Variants in ZEB1 observed in about 807,000 individuals in gnomAD.
The protein encoded by ZEB1 is zinc finger E-box-binding homeobox 1.
ZEB1 carries 21 observed loss-of-function variants against 84.9 expected under a neutral mutation model. The observed-to-expected ratio is 0.25, with a 90% CI of 0.18 to 0.36. The LOEUF is 0.36. Ranked by LOEUF, ZEB1 falls within the 10% of genes least tolerant of loss-of-function variation. The pLI is 1.00. For missense variants in ZEB1, 1,104 were observed against 1,330.2 expected (o/e 0.83, Z 2.65); for synonymous variants, 420 against 471.1 (o/e 0.89, Z 1.41).
At chr10:31,508,504 A>G (rs1299639726) in intron 4 of ZEB1, among the ~76,000 whole-genome samples, 1 of 152,226 alleles carries the variant, frequency 6.6e-6, no homozygotes, top group South Asian at 2.1e-4. Context: ...TGATAGTAGC[A>G]GGTTGGGTGG....
intron 1 of ZEB1, among the ~76,000 whole-genome samples, chr10:31,380,347 T>G (rs1401622370): frequency 6.6e-6 from 1 of 152,190 alleles, no homozygotes; most frequent in Non-Finnish European, 1.5e-5. Context: ...AGTTTCAGGT[T>G]CAGCTTTGGT....
chr10:31,461,003 G>C (rs780385908), intron 1 of ZEB1, 34 bp from the exon 2 acceptor site: 3 of 1,539,000 alleles, frequency 1.9e-6, no homozygotes, highest in Non-Finnish European at 2.7e-6. Context: ...TTTACTAGTT[G>C]GTTTTGATTA....
chr10:31,463,223 A>G (rs757373531), intron 2 of ZEB1, among the ~76,000 whole-genome samples: 2 of 152,160 alleles, frequency 1.3e-5, no homozygotes, highest in African/African-American at 2.4e-5. Flanking sequence ...GAAGGGAGAA[A>G]GGAAGGTGAA....
intron 3 of ZEB1, among the ~76,000 whole-genome samples, chr10:31,501,627 C>G (rs911246300): frequency 1.3e-5 from 2 of 151,942 alleles, no homozygotes; most frequent in Non-Finnish European, 2.9e-5. Context: ...GAGCTCCCCC[C>G]CCCATTATCT....
intron 2 of ZEB1, among the ~76,000 whole-genome samples, chr10:31,469,324 C>A (rs2062855996): frequency 6.6e-6 from 1 of 152,086 alleles, no homozygotes; most frequent in Admixed American, 6.5e-5. Context: ...CTAGGGAGTG[C>A]CAGACAGTGG....
chr10:31,458,336 T>TGTGTGTGTG (rs1554882634), intron 1 of ZEB1, among the ~76,000 whole-genome samples: 4 of 102,264 alleles, frequency 3.9e-5, no homozygotes, highest in African/African-American at 2.5e-4. Flanking sequence ...TGTGTGTGTG[T>TGTGTGTGTG]TGTGTGTGTG....
intron 1 of ZEB1, among the ~76,000 whole-genome samples, chr10:31,338,045 G>T (rs1320726674): frequency 6.6e-6 from 1 of 151,988 alleles, no homozygotes; most frequent in East Asian, 1.9e-4. Flanking sequence ...TTATTTTTAG[G>T]GGTATAGGCA....
At chr10:31,408,444 C>T (rs1373360921) in intron 1 of ZEB1, among the ~76,000 whole-genome samples, 1 of 151,758 alleles carries the variant, frequency 6.6e-6, no homozygotes, top group African/African-American at 2.4e-5. Flanking sequence ...CAAGTCAATC[C>T]TGAGCCAAAA....
chr10:31,452,738 TGTGTGAGAGAGAGAGAGAGAGA>T (rs1378716339), intron 1 of ZEB1, among the ~76,000 whole-genome samples: 15 of 101,054 alleles, frequency 1.5e-4, no homozygotes, highest in African/African-American at 1.1e-3. Flanking sequence ...TGTGTGTGTG[TGTGTGAGAGAGAGAGAGAGAGA>T]GAGAGAGAGA....
intron 1 of ZEB1, among the ~76,000 whole-genome samples, chr10:31,442,279 A>AC (rs2059107354): frequency 6.6e-6 from 1 of 152,170 alleles, no homozygotes. Context: ...GAAGCTGGAA[A>AC]CCATCATTCT....
intron 1 of ZEB1, among the ~76,000 whole-genome samples, chr10:31,429,109 TG>T (rs1467933311): frequency 6.6e-6 from 1 of 152,208 alleles, no homozygotes; most frequent in African/African-American, 2.4e-5. Flanking sequence ...GTCATAATGA[TG>T]TTAGCTAGTT....
chr10:31,342,363 G>A (rs2039540199), intron 1 of ZEB1, among the ~76,000 whole-genome samples: 1 of 152,166 alleles, frequency 6.6e-6, no homozygotes, highest in African/African-American at 2.4e-5. Context: ...AGAAATTTTA[G>A]GTCTGGAGAT....
At chr10:31,395,050 C>G (rs1401063720) in intron 1 of ZEB1, among the ~76,000 whole-genome samples, 1 of 152,158 alleles carries the variant, frequency 6.6e-6, no homozygotes, top group African/African-American at 2.4e-5. Context: ...GTTGCTTGTG[C>G]TTTAGTGATA....
At chr10:31,458,041 C>T (rs1050560523) in intron 1 of ZEB1, among the ~76,000 whole-genome samples, 1 of 152,096 alleles carries the variant, frequency 6.6e-6, no homozygotes, top group Non-Finnish European at 1.5e-5. Context: ...CTTCGCAAAA[C>T]AGCAGGAATG....
chr10:31,511,287 T>G (rs1282230181), intron 5 of ZEB1, among the ~76,000 whole-genome samples: 1 of 152,210 alleles, frequency 6.6e-6, no homozygotes, highest in Non-Finnish European at 1.5e-5. Flanking sequence ...AAGTTTAAGT[T>G]TCTTTGAACC....
chr10:31,360,891 G>A (rs922530831), intron 1 of ZEB1: 7 of 1,344,688 alleles, frequency 5.2e-6, no homozygotes, highest in Non-Finnish European at 7.3e-6. Flanking sequence ...GTGAGCTGCA[G>A]TAACCTGAAA....
chr10:31,401,882 T>C (rs2052091017), intron 1 of ZEB1, among the ~76,000 whole-genome samples: 2 of 151,938 alleles, frequency 1.3e-5, no homozygotes, highest in Admixed American at 1.3e-4. Context: ...TTTAAAATAA[T>C]AATAAAGCTT....
At chr10:31,510,911 G>A (rs750354632) in intron 5 of ZEB1, 36 bp downstream of exon 5, 2 of 1,599,726 alleles carry the variant, frequency 1.3e-6, no homozygotes, top group South Asian at 1.1e-5. Flanking sequence ...TAACTTTCCA[G>A]ATTTTGACAA....
intron 1 of ZEB1, among the ~76,000 whole-genome samples, chr10:31,427,776 A>G (rs184549326): frequency 0.05 from 7,611 of 151,618 alleles, 405 homozygotes; most frequent in Admixed American, 0.16. Flanking sequence ...GGAGAATGGC[A>G]TGAACCCAGG....
Sources: allele counts gnomAD v4.1 joint callset (sites outside exome capture counted in the v4.1 genomes callset), GRCh38; gene constraint gnomAD v4.1.1; transcripts MANE v1.5; gene names NCBI Gene and HGNC (gene_info 2026-07-23, HGNC 2026-07-21).